Variants in ZNF722 observed in about 807,000 individuals in gnomAD.
ZNF722 encodes the protein zinc finger protein 479 pseudogene.
the ZNF722 span, among the ~76,000 whole-genome samples, chr7:64,001,148 A>G: frequency 3.3e-5 from 5 of 152,132 alleles, no homozygotes; most frequent in Non-Finnish European, 7.4e-5. Flanking sequence ...AGGTAAAATC[A>G]TATCATGAAG....
chr7:64,012,319 G>A, the ZNF722 span, among the ~76,000 whole-genome samples: 2 of 152,112 alleles, frequency 1.3e-5, no homozygotes, highest in African/African-American at 4.8e-5. Flanking sequence ...TCTGTTGCTG[G>A]CAAGAGGCTG....
the ZNF722 span, among the ~76,000 whole-genome samples, chr7:64,008,618 C>T: frequency 6.6e-6 from 1 of 152,110 alleles, no homozygotes; most frequent in African/African-American, 2.4e-5. Context: ...TGTTTTGGTA[C>T]CAGTACCATG....
the ZNF722 span, among the ~76,000 whole-genome samples, chr7:64,003,412 A>G: frequency 6.6e-6 from 1 of 152,178 alleles, no homozygotes; most frequent in African/African-American, 2.4e-5. Context: ...CTTTAAAGGC[A>G]TATTCTCAAG....
the ZNF722 span, among the ~76,000 whole-genome samples, chr7:64,013,542 A>G: frequency 4.0e-4 from 61 of 152,164 alleles, no homozygotes; most frequent in African/African-American, 1.4e-3. Context: ...CTTCAGTTGC[A>G]TAGAAAAATT....
At chr7:64,015,325 GT>G in the ZNF722 span, 1 of 1,351,984 alleles carries the variant, frequency 7.4e-7, no homozygotes, top group Admixed American at 1.9e-5. Context: ...CATTTCAAAT[GT>G]AAAAAATATG....
the ZNF722 span, among the ~76,000 whole-genome samples, chr7:64,002,085 G>A: frequency 3.3e-5 from 5 of 152,146 alleles, no homozygotes; most frequent in Admixed American, 6.5e-5. Flanking sequence ...GATTCACCAC[G>A]TTGGCCAGGC....
At chr7:64,004,443 T>A in the ZNF722 span, among the ~76,000 whole-genome samples, 14 of 134,554 alleles carry the variant, frequency 1.0e-4, no homozygotes, top group Admixed American at 3.7e-4. Context: ...TATATATATA[T>A]ATATATATAT....
At chr7:64,000,026 T>C in the ZNF722 span, among the ~76,000 whole-genome samples, 6 of 152,170 alleles carry the variant, frequency 3.9e-5, no homozygotes, top group South Asian at 1.0e-3. Context: ...AGATTTTTTT[T>C]TTAAGTGAGA....
chr7:64,016,009 C>G, the ZNF722 span: 1 of 858,158 alleles, frequency 1.2e-6, no homozygotes, highest in Non-Finnish European at 1.7e-6. Flanking sequence ...TATGGACAAA[C>G]CTTTAACAAG....
chr7:64,000,280 G>A, the ZNF722 span, among the ~76,000 whole-genome samples: 3 of 142,946 alleles, frequency 2.1e-5, no homozygotes, highest in African/African-American at 5.2e-5. Flanking sequence ...ACAGGCATGC[G>A]TCACCACCCC....
chr7:64,009,166 A>G, the ZNF722 span, among the ~76,000 whole-genome samples: 5 of 152,098 alleles, frequency 3.3e-5, no homozygotes, highest in African/African-American at 1.2e-4. Context: ...GGGTTTTGTA[A>G]ATATACAATC....
chr7:63,999,170 G>A, the ZNF722 span, among the ~76,000 whole-genome samples: 1 of 152,168 alleles, frequency 6.6e-6, no homozygotes, highest in Non-Finnish European at 1.5e-5. Context: ...GATGCTGCCT[G>A]GGCCAGCGGC....
the ZNF722 span, among the ~76,000 whole-genome samples, chr7:64,006,639 T>A: frequency 6.6e-6 from 1 of 152,196 alleles, no homozygotes; most frequent in Non-Finnish European, 1.5e-5. Context: ...ATTTGCATAT[T>A]TTTGAGAAAC....
chr7:64,005,222 C>T, the ZNF722 span, among the ~76,000 whole-genome samples: 359 of 152,102 alleles, frequency 2.4e-3, 1 homozygote, highest in African/African-American at 7.9e-3. Flanking sequence ...TCGATTGAAC[C>T]CGGGAGGTGG....
At chr7:64,014,500 T>C in the ZNF722 span, among the ~76,000 whole-genome samples, 1 of 152,130 alleles carries the variant, frequency 6.6e-6, no homozygotes, top group Non-Finnish European at 1.5e-5. Context: ...CTGAAACCAA[T>C]TGTATTGGGT....
the ZNF722 span, among the ~76,000 whole-genome samples, chr7:64,010,548 C>T: frequency 9.2e-5 from 14 of 152,050 alleles, no homozygotes; most frequent in Non-Finnish European, 1.3e-4. Context: ...TGTAGTTGAG[C>T]GGTTTTGAGT....
At chr7:64,015,163 G>A in the ZNF722 span, 1 of 1,392,544 alleles carries the variant, frequency 7.2e-7, no homozygotes, top group South Asian at 1.2e-5. Context: ...AAAAGTGTGG[G>A]TGAGTGTGAG....
the ZNF722 span, among the ~76,000 whole-genome samples, chr7:64,008,439 T>TC: frequency 6.6e-6 from 1 of 152,200 alleles, no homozygotes; most frequent in Admixed American, 6.5e-5. Flanking sequence ...AAGGAAGGAA[T>TC]CCAGTTTCAG....
At chr7:64,002,009 G>A in the ZNF722 span, among the ~76,000 whole-genome samples, 3 of 151,856 alleles carry the variant, frequency 2.0e-5, no homozygotes, top group Non-Finnish European at 2.9e-5. Context: ...TCAGCCTCTC[G>A]AGTAGCTGGG....
Sources: gnomAD v4.1 joint callset for allele counts (sites outside exome capture counted in the v4.1 genomes callset) on GRCh38, gnomAD v4.1.1 for gene constraint, MANE v1.5 for transcripts, NCBI Gene and HGNC (gene_info 2026-07-23, HGNC 2026-07-21) for gene names.